ZNF438: variants seen among roughly 807,000 people sequenced by gnomAD.
ZNF438 encodes zinc finger protein 438.
ZNF438 carries 25 observed loss-of-function variants against 38.0 expected under a neutral mutation model. That is an observed-to-expected ratio of 0.66 (90% CI 0.48 to 0.92). The LOEUF (loss-of-function observed/expected upper bound fraction) is 0.92, where lower values mean the gene tolerates loss of function less well. ZNF438 is among the 40% of genes least tolerant of loss of function. ZNF438 has a pLI of 0.00. For missense variants in ZNF438, 1,007 were observed against 999.6 expected, an observed-to-expected ratio of 1.01 and a Z score of -0.10; for synonymous variants, 372 against 364.1, an observed-to-expected ratio of 1.02 and a Z score of -0.25.
intron 5 of ZNF438, 68 bp downstream of exon 6, chr10:30,848,463 G>C: frequency 2.0e-6 from 3 of 1,521,356 alleles, no homozygotes; most frequent in Non-Finnish European, 2.6e-6. Flanking sequence ...TTCTGAATAT[G>C]AAATCTTCCC....
intron 1 of ZNF438, among the ~76,000 whole-genome samples, chr10:30,951,995 AAACTATACTACAAGGCTACAGT>A (rs1157991400): frequency 1.3e-5 from 2 of 150,490 alleles, no homozygotes; most frequent in Admixed American, 1.3e-4. Flanking sequence ...ACCTGACTTC[AAACTATACTACAAGGCTACAGT>A]AACCAAAACA....
intron 1 of ZNF438, among the ~76,000 whole-genome samples, chr10:30,966,533 G>A (rs2050138247): frequency 6.6e-6 from 1 of 151,880 alleles, no homozygotes; most frequent in African/African-American, 2.4e-5. Flanking sequence ...AGCCAGGTGT[G>A]GTGGCACGCA....
chr10:30,924,854 A>G (rs907171365), intron 2 of ZNF438, among the ~76,000 whole-genome samples: 16 of 152,218 alleles, frequency 1.1e-4, no homozygotes, highest in African/African-American at 3.6e-4. Flanking sequence ...GAAAAACTGG[A>G]AAAATCAAAA....
chr10:30,923,991 C>A (rs1185324690), intron 2 of ZNF438, among the ~76,000 whole-genome samples: 1 of 152,106 alleles, frequency 6.6e-6, no homozygotes, highest in Non-Finnish European at 1.5e-5. Context: ...AAGTTTGTAA[C>A]TTCTCAATAA....
At chr10:30,848,776 G>C (rs1564472846) in exon 5 of ZNF438, 2 of 1,614,120 alleles carry the variant, frequency 1.2e-6, no homozygotes, top group Non-Finnish European at 1.7e-6. Flanking sequence ...GACGTACATA[G>C]GACTTGCGAC....
exon 5 of ZNF438, chr10:30,848,545 C>T (rs746358356): frequency 1.2e-6 from 2 of 1,613,136 alleles, no homozygotes; most frequent in South Asian, 2.2e-5. Context: ...CCAATGATCC[C>T]TCCATGCCTC....
At chr10:30,967,022 G>A (rs1269929695) in intron 1 of ZNF438, among the ~76,000 whole-genome samples, 1 of 152,198 alleles carries the variant, frequency 6.6e-6, no homozygotes. Context: ...ACAAAGAGAT[G>A]TGCTATAAGC....
At chr10:30,862,247 T>C (rs1294433415) in intron 4 of ZNF438, among the ~76,000 whole-genome samples, 1 of 152,196 alleles carries the variant, frequency 6.6e-6, no homozygotes, top group Non-Finnish European at 1.5e-5. Context: ...GCTGCACAGA[T>C]ATGGCATGGC....
exon 6 of ZNF438, chr10:30,845,228 G>C (rs1362574091): frequency 6.2e-7 from 1 of 1,614,112 alleles, no homozygotes; most frequent in East Asian, 2.2e-5. Context: ...CATTTTCCAT[G>C]AGCATTTCCA....
chr10:30,903,693 A>T (rs907228021), intron 3 of ZNF438, among the ~76,000 whole-genome samples: 3 of 152,200 alleles, frequency 2.0e-5, no homozygotes, highest in Non-Finnish European at 4.4e-5. Context: ...GTATTTAAAA[A>T]ATATATACCA....
At chr10:30,881,581 A>G (rs2039266483) in intron 3 of ZNF438, among the ~76,000 whole-genome samples, 1 of 152,148 alleles carries the variant, frequency 6.6e-6, no homozygotes, top group South Asian at 2.1e-4. Context: ...TATAAATTCA[A>G]TGTGATCCTA....
In ZNF438 at chr10:30,876,956, T is replaced by G. The variant is rs759253996; in HGVS notation, c.37+42A>C. Reference sequence around the variant, plus strand: ...GACATTCAATGTATCAAATTAAAACTATAACAGACTCATCACCATTTTCCT... The same window carrying G: ...GACATTCAATGTATCAAATTAAAACGATAACAGACTCATCACCATTTTCCT... On this transcript the variant is annotated intron_variant, in intron 4 of 5. Transcript: ENST00000413025. 3 of 1,535,998 alleles carry G rather than the reference T, an allele frequency of 2.0e-6. No homozygotes were observed. In the East Asian group the frequency reaches 7.0e-5, roughly 36 times the overall value.
intron 1 of ZNF438, among the ~76,000 whole-genome samples, chr10:31,025,922 A>C (rs1236240614): frequency 6.6e-6 from 1 of 152,212 alleles, no homozygotes; most frequent in African/African-American, 2.4e-5. Context: ...ATATGAGTTG[A>C]AGATAATAAT....
chr10:30,996,909 C>A (rs1173118047), intron 1 of ZNF438, among the ~76,000 whole-genome samples: 6 of 152,082 alleles, frequency 3.9e-5, no homozygotes, highest in African/African-American at 1.4e-4. Flanking sequence ...TTAGGAAATT[C>A]ACAAAGATGG....
intron 3 of ZNF438, among the ~76,000 whole-genome samples, chr10:30,884,302 C>T (rs534144600): frequency 9.9e-5 from 15 of 152,104 alleles, no homozygotes; most frequent in African/African-American, 2.7e-4. Context: ...ATACCTAACA[C>T]TTATTAAAAA....
intron 3 of ZNF438, among the ~76,000 whole-genome samples, chr10:30,901,375 C>G (rs2041959562): frequency 6.6e-6 from 1 of 151,772 alleles, no homozygotes; most frequent in South Asian, 2.1e-4. Flanking sequence ...AAGCCGCGGA[C>G]CCTCGCGCTG....
chr10:30,863,269 T>A (rs563181225), intron 4 of ZNF438, among the ~76,000 whole-genome samples: 2 of 152,316 alleles, frequency 1.3e-5, no homozygotes, highest in Non-Finnish European at 2.9e-5. Flanking sequence ...CCATCTACAA[T>A]ACTGACACTT....
At chr10:30,876,134 A>C (rs1035263602) in intron 4 of ZNF438, among the ~76,000 whole-genome samples, 3 of 152,216 alleles carry the variant, frequency 2.0e-5, no homozygotes, top group African/African-American at 7.2e-5. Context: ...TGTGCTCAAG[A>C]GTTATGATAC....
intron 1 of ZNF438, among the ~76,000 whole-genome samples, chr10:30,963,128 G>A (rs2049689004): frequency 6.6e-6 from 1 of 152,072 alleles, no homozygotes; most frequent in Non-Finnish European, 1.5e-5. Context: ...CGGGCACAGT[G>A]GCTCACACCT....
Sources: gnomAD v4.1 joint callset for allele counts (sites outside exome capture counted in the v4.1 genomes callset) on GRCh38, gnomAD v4.1.1 for gene constraint, MANE v1.5 for transcripts, NCBI Gene and HGNC (gene_info 2026-07-23, HGNC 2026-07-21) for gene names.